The following NLRP14 variants were observed in gnomAD, a reference collection of about 807,000 sequenced individuals.
NLRP14 encodes the protein NLR family pyrin domain containing 14, also known as NACHT, LRR and PYD domains-containing protein 14.
NLRP14 carries 105 observed loss-of-function variants against 94.7 expected under a neutral mutation model. That is an observed-to-expected ratio of 1.11 (90% confidence interval 0.95 to 1.30). The LOEUF (loss-of-function observed/expected upper bound fraction) is 1.30. NLRP14 is among the 50% of genes most tolerant of loss of function. The pLI is 0.00. For synonymous variants in NLRP14, 508 were observed against 459.9 expected, an observed-to-expected ratio of 1.10 and a Z score of -1.34; for missense variants, 1,362 against 1,254.1, an observed-to-expected ratio of 1.09 and a Z score of -1.30.
the NLRP14 span, among the ~76,000 whole-genome samples, chr11:7,076,969 G>C: frequency 6.6e-6 from 1 of 152,136 alleles, no homozygotes; most frequent in Non-Finnish European, 1.5e-5. Flanking sequence ...CCAGCAACTC[G>C]GTGAAGATAG....
Position 7,070,313 on chromosome 11 carries a change from C to CT in NLRP14, c.3004dup (p.Cys1002LeufsTer28), listed in dbSNP as rs1852772243. The CT allele has an allele frequency of 6.2e-6, 10 of 1,611,674 alleles. No homozygotes were observed. The highest frequency in any genetic ancestry group is 8.5e-6 in the Non-Finnish European group (10 of 1,177,968). Reference sequence around the variant, plus strand: ...TGGAATACTGTGGTTTGACATCTCTCTGCTGTCAAGATCTCTCCTCTGCTC... The same window carrying CT: ...TGGAATACTGTGGTTTGACATCTCTCTTGCTGTCAAGATCTCTCCTCTGCTC... On this transcript the variant is annotated frameshift_variant, in exon 11 of 12. Coordinates refer to ENST00000299481, the MANE Select transcript of NLRP14 (RefSeq NM_176822.4). LOFTEE classifies it high-confidence loss of function.
At chr11:7,059,792 G>A (rs528160595) in intron 8 of NLRP14, 102 bp from the exon 9 acceptor site, 12 of 1,028,788 alleles carry the variant, frequency 1.2e-5, no homozygotes, top group Non-Finnish European at 1.8e-5. Context: ...ATGGAATGTT[G>A]GCAAATAGAT....
At chr11:7,088,975 C>G in the NLRP14 span, 1 of 932,278 alleles carries the variant, frequency 1.1e-6, no homozygotes, top group African/African-American at 1.6e-5. Context: ...CGCCCTGCAG[C>G]GGGGCTCCGG....
At chr11:7,022,511 C>T (rs1382741131) in intron 1 of NLRP14, among the ~76,000 whole-genome samples, 1 of 152,154 alleles carries the variant, frequency 6.6e-6, no homozygotes, top group Non-Finnish European at 1.5e-5. Flanking sequence ...TCTGACAAGA[C>T]AGCAAGGGAT....
At position 7,037,253 on chromosome 11, in the gene NLRP14, A is replaced by C. The variant is rs546363667; in HGVS notation, c.-21-1313A>C. Among the ~76,000 whole-genome samples the C allele has an allele frequency of 2.0e-5, 3 of 152,310 alleles. No individual in the cohort carries two copies. The South Asian group carries it at 6.2e-4, about 32-fold the overall frequency. On this transcript the variant is annotated intron_variant, in intron 1 of 11. Transcript: ENST00000299481. ...GTCAGATTTATCTGTAATCTAGAATATTTTTACCATGTAGTTAAACAAACA... is the reference window on the plus strand; with the variant it reads ...GTCAGATTTATCTGTAATCTAGAATCTTTTTACCATGTAGTTAAACAAACA...
Position 7,043,717 on chromosome 11 carries a change from T to C in NLRP14, c.1691T>C (p.Met564Thr), listed in dbSNP as rs1419874537. Residue 564 changes from methionine to threonine, a missense_variant, in exon 4 of 12, where the codon ATG becomes ACG. By Grantham distance (81) the Met-to-Thr change is moderately conservative. Coordinates refer to ENST00000299481, the MANE Select transcript of NLRP14 (RefSeq NM_176822.4). ...LKIKSKLLQC[M>T]EVLGNSDYSP... ...ATAAAATCAAAGTTACTTCAGTGTA[T>C]GGAAGTATTAGGAAACAGTGACTAT... 13 of 1,614,000 alleles carry C rather than the reference T, an allele frequency of 8.1e-6. No individual in the cohort carries two copies. Among genetic ancestry groups the C allele is most frequent in the Non-Finnish European group, 1.1e-5 (13 of 1,179,866 alleles).
chr11:7,081,581 C>A, the NLRP14 span, among the ~76,000 whole-genome samples: 1 of 151,754 alleles, frequency 6.6e-6, no homozygotes, highest in African/African-American at 2.4e-5. Flanking sequence ...AAAGAGGAGT[C>A]TTTTTCTAAG....
chr11:7,090,170 C>G, the NLRP14 span: 1 of 1,613,912 alleles, frequency 6.2e-7, no homozygotes, highest in Non-Finnish European at 8.5e-7. Flanking sequence ...ATCGTGGGCT[C>G]TCTCTGTCCA....
chr11:7,037,560 A>G (rs1852178354), intron 1 of NLRP14, among the ~76,000 whole-genome samples: 1 of 152,178 alleles, frequency 6.6e-6, no homozygotes, highest in Non-Finnish European at 1.5e-5. Context: ...CAGATTAAGA[A>G]AACTTGATGG....
At chr11:7,047,313 CT>C (rs1406104476) in intron 5 of NLRP14, among the ~76,000 whole-genome samples, 1 of 30,134 alleles carries the variant, frequency 3.3e-5, no homozygotes, top group African/African-American at 8.3e-5. Flanking sequence ...CCTTGTACCC[CT>C]TTCGTTTTTT....
rs1049343999 is a variant in NLRP14 at position 7,020,642 on chromosome 11, G to A, written c.-150G>A. 4 of 152,278 alleles carry A rather than the reference G, an allele frequency of 2.6e-5. No individual in the cohort carries two copies. Among genetic ancestry groups the A allele is most frequent in the African/African-American group, 7.2e-5 (3 of 41,470 alleles). 9.4% of individuals were successfully genotyped at this position (152,278 alleles called of 1,614,324 possible). ...AGAATTCTGTGACCCTCACCACCGC[G>A]ACGACCCCGAGGAAACGCTGTCAGG... On this transcript the variant is annotated 5_prime_UTR_variant, in exon 1 of 12. Coordinates refer to ENST00000299481, the MANE Select transcript of NLRP14 (RefSeq NM_176822.4).
chr11:7,074,836 C>T (rs562997178), downstream of NLRP14, among the ~76,000 whole-genome samples: 15 of 152,070 alleles, frequency 9.9e-5, no homozygotes, highest in African/African-American at 2.7e-4. Context: ...AAAAAGGGGA[C>T]GTGTCAGTGA....
downstream of NLRP14, among the ~76,000 whole-genome samples, chr11:7,075,126 G>T (rs79909733): frequency 6.6e-6 from 1 of 152,066 alleles, no homozygotes; most frequent in Non-Finnish European, 1.5e-5. Flanking sequence ...CTGACCTCCC[G>T]TCTCTCCTGA....
At chr11:7,090,461 AAAACT>A in the NLRP14 span, 1 of 968,858 alleles carries the variant, frequency 1.0e-6, no homozygotes, top group Non-Finnish European at 1.5e-6. Flanking sequence ...TTTGGGAGAA[AAAACT>A]TAAAATTCGT....
At chr11:7,025,770 A>T (rs1277802377) in intron 1 of NLRP14, among the ~76,000 whole-genome samples, 1 of 151,502 alleles carries the variant, frequency 6.6e-6, no homozygotes, top group East Asian at 2.0e-4. Context: ...GGTACAATTT[A>T]TGAAGAAGTA....
the NLRP14 span, chr11:7,088,996 G>A: frequency 8.5e-7 from 1 of 1,171,450 alleles, no homozygotes; most frequent in Non-Finnish European, 1.2e-6. Flanking sequence ...CTGCGGTTCC[G>A]TGGACTCGGC....
intron 1 of NLRP14, among the ~76,000 whole-genome samples, chr11:7,030,624 A>G (rs1156555930): frequency 6.6e-6 from 1 of 152,042 alleles, no homozygotes; most frequent in African/African-American, 2.4e-5. Context: ...CTTCAACAGA[A>G]TGTAAGCTCC....
At chr11:7,085,746 C>T in the NLRP14 span, among the ~76,000 whole-genome samples, 4 of 152,032 alleles carry the variant, frequency 2.6e-5, no homozygotes, top group Non-Finnish European at 4.4e-5. Flanking sequence ...CTGATAATAC[C>T]TAATACAATG....
chr11:7,070,374 A>T lies in NLRP14; in HGVS notation c.3064A>T (p.Thr1022Ser). 1.9e-6 allele frequency: 3 copies of T among 1,608,616 alleles called. No individual in the cohort carries two copies. The highest frequency in any genetic ancestry group is 2.6e-6 in the Non-Finnish European group (3 of 1,175,056). ...CNKRLIKMNLTQNTLGYEGIV... is the reference protein window; with the variant it reads ...CNKRLIKMNLSQNTLGYEGIV... ...CAAAAGACTGATAAAAATGAATCTG[A>T]CACAGAATACCTTAGGATATGAAGG... The change falls in exon 11 of 12, where the codon ACA (threonine) becomes TCA (serine). Residue 1022 changes from threonine to serine, a missense_variant. Coordinates refer to ENST00000299481, the MANE Select transcript of NLRP14 (RefSeq NM_176822.4).
Sources: allele counts gnomAD v4.1 joint callset (sites outside exome capture counted in the v4.1 genomes callset), GRCh38; gene constraint gnomAD v4.1.1; transcripts MANE v1.5; gene names NCBI Gene and HGNC (gene_info 2026-07-23, HGNC 2026-07-21).